LARP4: variants seen among roughly 807,000 people sequenced by gnomAD.
The protein encoded by LARP4 is la-related protein 4.
LARP4 carries 29 observed loss-of-function variants against 92.9 expected under a neutral mutation model. The observed-to-expected ratio is 0.31, with a 90% CI of 0.23 to 0.43. LARP4 has a LOEUF of 0.43. Among genes scored for constraint, LARP4 ranks in the 20% least tolerant of loss-of-function variants. LARP4 has a pLI of 1.00. For synonymous variants in LARP4, 279 were observed against 284.1 expected (o/e 0.98, Z 0.18); for missense variants, 732 against 860.0 (o/e 0.85, Z 1.86).
intron 7 of LARP4, 23 bp from the exon 8 acceptor site, chr12:50,441,566 GT>G (rs768805009): frequency 4.4e-5 from 68 of 1,542,352 alleles, no homozygotes; most frequent in African/African-American, 1.8e-4. Context: ...GCTAATGAAA[GT>G]TTTTTTTGTG....
In LARP4 at chr12:50,440,449, G is replaced by A. The variant is rs777330525; in HGVS notation, c.650G>A (p.Gly217Asp). 6.2e-7 allele frequency: 1 copy of A among 1,612,524 alleles called. No individual in the cohort carries two copies. Among genetic ancestry groups the A allele is most frequent in the South Asian group, 1.1e-5 (1 of 90,966 alleles). ...TCTTTTTCTTTTTAGGAAGTGAAAG[G>A]TTTGTTCAAAAGTGAAAACTGCCCC... Reference protein sequence around the residue: ...PETTPIEEVKGLFKSENCPKV... With the variant: ...PETTPIEEVKDLFKSENCPKV... Residue 217 changes from glycine (G) to aspartate (D), a missense_variant, in exon 7 of 16, where the codon GGT becomes GAT. By Grantham distance (94) the Gly-to-Asp change is moderately conservative. Transcript: ENST00000398473.
intron 15 of LARP4, among the ~76,000 whole-genome samples, chr12:50,474,791 T>C (rs952017542): frequency 6.6e-6 from 1 of 152,240 alleles, no homozygotes; most frequent in Non-Finnish European, 1.5e-5. Flanking sequence ...GTATATGTGA[T>C]ACTTAACAAG....
intron 8 of LARP4, among the ~76,000 whole-genome samples, chr12:50,449,644 A>T (rs1321556854): frequency 6.6e-6 from 1 of 152,128 alleles, no homozygotes; most frequent in African/African-American, 2.4e-5. Flanking sequence ...CTGTTAATTC[A>T]TTAGAGATTG....
At chr12:50,427,058 G>C (rs960907949) in intron 1 of LARP4, among the ~76,000 whole-genome samples, 6 of 151,936 alleles carry the variant, frequency 3.9e-5, no homozygotes, top group African/African-American at 1.5e-4. Context: ...ACCTTAAATG[G>C]CACTATTTAA....
At chr12:50,402,685 C>G in intron 1 of LARP4, 1 of 431,360 alleles carries the variant, frequency 2.3e-6, no homozygotes, top group South Asian at 1.7e-5. Context: ...ATGACAAAAC[C>G]GAGCCCCAGA....
intron 1 of LARP4, among the ~76,000 whole-genome samples, chr12:50,411,171 A>G (rs751437641): frequency 2.7e-5 from 4 of 150,682 alleles, no homozygotes; most frequent in African/African-American, 4.9e-5. Context: ...CATTTTATCA[A>G]GATCCCTAGT....
intron 1 of LARP4, among the ~76,000 whole-genome samples, chr12:50,402,294 A>T (rs1944008186): frequency 6.6e-6 from 1 of 152,178 alleles, no homozygotes; most frequent in Admixed American, 6.6e-5. Flanking sequence ...TGTATCTAAC[A>T]TTCATAATAA....
intron 1 of LARP4, among the ~76,000 whole-genome samples, chr12:50,422,938 C>T (rs994095795): frequency 2.0e-5 from 3 of 151,714 alleles, no homozygotes; most frequent in Non-Finnish European, 4.4e-5. Context: ...TTGTCTTAGC[C>T]TCCCAAGGAG....
rs1482129671 is a variant in LARP4, at chr12:50,440,356, A to G, written c.640-83A>G. ...GGACCAAAGACATGAAGATAGGCTT[A>G]ACATTACTAGTAAACAAACCAACAA... is the stretch of plus-strand genomic sequence containing the variant. On this transcript the variant is annotated intron_variant, in intron 6 of 15. Transcript: ENST00000398473. The G allele has an allele frequency of 3.2e-6, 3 of 942,080 alleles. No individual in the cohort carries two copies. In the African/African-American group the frequency reaches 5.0e-5, roughly 16 times the overall value. 58.4% of individuals were successfully genotyped at this position (942,080 alleles called of 1,614,324 possible).
At chr12:50,403,157 T>C (rs1459469770) in intron 1 of LARP4, among the ~76,000 whole-genome samples, 1 of 152,212 alleles carries the variant, frequency 6.6e-6, no homozygotes, top group African/African-American at 2.4e-5. Context: ...TTCTAGAACA[T>C]AAATTTCTGG....
chr12:50,472,974 C>T (rs1957100460), intron 13 of LARP4, among the ~76,000 whole-genome samples: 1 of 152,016 alleles, frequency 6.6e-6, no homozygotes, highest in Admixed American at 6.6e-5. Context: ...AGGCATGCAC[C>T]ACCGTGCCCA....
At position 50,448,514 on chromosome 12, in the gene LARP4, C is replaced by A. The variant is rs138179335; in HGVS notation, c.805-4946C>A. On this transcript the variant is annotated intron_variant, in intron 8 of 15. Coordinates refer to ENST00000398473, the MANE Select transcript of LARP4 (RefSeq NM_052879.5). ...TCCATAAATAAATTAAGATTTGTAT[C>A]TCTATCAAGAGGGATTCTTTCCCTT... Among the ~76,000 whole-genome samples, 79 of 152,220 alleles carry A rather than the reference C, an allele frequency of 5.2e-4. No individual in the cohort carries two copies. In the East Asian group the frequency reaches 0.014, roughly 27 times the overall value.
At chr12:50,473,586 C>T in intron 14 of LARP4, 50 bp downstream of exon 14, 10 of 1,577,950 alleles carry the variant, frequency 6.3e-6, no homozygotes, top group South Asian at 1.1e-5. Flanking sequence ...CTTTTTCTGG[C>T]CGGGTGTGGT....
rs114254849 is a variant in LARP4 at position 50,455,906 on chromosome 12, G to T, written c.1121+1489G>T. Among the ~76,000 whole-genome samples the T allele has an allele frequency of 8.7e-3, 1,324 of 152,140 alleles. 16 individuals are homozygous for T. Among genetic ancestry groups the T allele is most frequent in the African/African-American group, 0.03 (1,235 of 41,494 alleles). On this transcript the variant is annotated intron_variant, in intron 10 of 15. Coordinates refer to ENST00000398473, the MANE Select transcript of LARP4 (RefSeq NM_052879.5). ...TACCAAAAATACAAAAATTAGCTGGGCGTGGTGGTGTAGTGCATGCCTGAA... is the reference window on the plus strand; with the variant it reads ...TACCAAAAATACAAAAATTAGCTGGTCGTGGTGGTGTAGTGCATGCCTGAA...
At chr12:50,435,821 C>T (rs1381725031) in intron 5 of LARP4, among the ~76,000 whole-genome samples, 197 bp downstream of exon 5, 2 of 151,248 alleles carry the variant, frequency 1.3e-5, no homozygotes, top group African/African-American at 4.9e-5. Flanking sequence ...GTCACTCAAG[C>T]GGGAGTGTGA....
At chr12:50,410,312 A>G (rs1156368661) in intron 1 of LARP4, among the ~76,000 whole-genome samples, 1 of 151,522 alleles carries the variant, frequency 6.6e-6, no homozygotes, top group East Asian at 1.9e-4. Context: ...GCCTCAAACG[A>G]TCCTCCCATC....
At chr12:50,441,933 C>G (rs1339083850) in intron 8 of LARP4, among the ~76,000 whole-genome samples, 7 of 152,156 alleles carry the variant, frequency 4.6e-5, no homozygotes, top group Admixed American at 3.3e-4. Context: ...GCCTGTAGTT[C>G]CAGATACTTG....
At chr12:50,467,788 A>G (rs1956343633) in intron 13 of LARP4, among the ~76,000 whole-genome samples, 1 of 152,130 alleles carries the variant, frequency 6.6e-6, no homozygotes, top group Non-Finnish European at 1.5e-5. Context: ...TTTGGTGTGT[A>G]GACCTCTCCA....
At chr12:50,451,981 C>A (rs1182945527) in intron 8 of LARP4, among the ~76,000 whole-genome samples, 1 of 151,962 alleles carries the variant, frequency 6.6e-6, no homozygotes, top group Non-Finnish European at 1.5e-5. Context: ...CCAGCCTGGG[C>A]GACAGAGCAA....
Sources: gnomAD v4.1 joint callset for allele counts (sites outside exome capture counted in the v4.1 genomes callset) on GRCh38, gnomAD v4.1.1 for gene constraint, MANE v1.5 for transcripts, NCBI Gene and HGNC (gene_info 2026-07-23, HGNC 2026-07-21) for gene names.